The following EI24 variants were observed in gnomAD, a reference collection of about 807,000 sequenced individuals.
EI24 encodes etoposide-induced protein 2.4 homolog.
EI24 carries 21 observed loss-of-function variants against 48.6 expected under a neutral mutation model. That is an observed-to-expected ratio of 0.43 (90% CI 0.31 to 0.62). EI24 has a LOEUF of 0.62. Ranked by LOEUF, EI24 falls within the 20% of genes least tolerant of loss-of-function variation. The pLI is 0.10. For synonymous variants in EI24, 114 were observed against 145.5 expected (o/e 0.78, Z 1.56); for missense variants, 280 against 410.5 (o/e 0.68, Z 2.75).
chr11:125,575,799 T>G (rs1565328415), intron 3 of EI24: 6 of 314,306 alleles, frequency 1.9e-5, no homozygotes, highest in South Asian at 1.5e-4. Context: ...TTTTTTTTTT[T>G]GAGACGGATT....
At position 125,579,064 on chromosome 11, in the gene EI24, T is replaced by C. The variant is rs1234698331; in HGVS notation, c.557T>C (p.Ile186Thr). Residue 186 changes from isoleucine to threonine, a missense_variant, in exon 7 of 11, where the codon ATT becomes ACT. This residue lies in a region of EI24 where 204 missense variants were observed against 294.1 expected (regional missense o/e 0.69). Coordinates refer to ENST00000278903, the MANE Select transcript of EI24 (RefSeq NM_004879.5). ...CTTTTGCTGCAGGCTCTTTTCCTCA[T>C]TCAGGTGAGACTGACCTTCTGGGCA... ...FNLLLQALFLIQGMFVSLFPI... is the reference protein window; with the variant it reads ...FNLLLQALFLTQGMFVSLFPI... 1.9e-6 allele frequency: 3 copies of C among 1,562,232 alleles called. No homozygotes were observed. The African/African-American group carries it at 4.1e-5, about 21-fold the overall frequency.
intron 8 of EI24, chr11:125,580,910 C>T (rs545090291): frequency 1.9e-5 from 3 of 155,318 alleles, no homozygotes; most frequent in African/African-American, 7.2e-5. Context: ...AACCCTGTCT[C>T]TACTAAAAAT....
At position 125,577,515 on chromosome 11, in the gene EI24, CTT is replaced by C. The variant is rs776115818; in HGVS notation, c.262_263del (p.Leu88ValfsTer19). ...CTTCTTTTCTTTAGTTCAGTCTCCT[CTT>C]GTTTTATCGAGTATTTATTCCTGTG... ...NGGVFWFSLL[L>X]FYRVFIPVLQ... On this transcript the variant is annotated frameshift_variant, in exon 5 of 11. Coordinates refer to ENST00000278903, the MANE Select transcript of EI24 (RefSeq NM_004879.5). LOFTEE classifies it high-confidence loss of function. 3.1e-6 allele frequency: 5 copies of C among 1,613,680 alleles called. No individual in the cohort carries two copies. The highest frequency in any genetic ancestry group is 2.2e-5 in the East Asian group (1 of 44,856).
chr11:125,578,387 A>G, intron 6 of EI24, 130 bp downstream of exon 6: 1 of 1,119,864 alleles, frequency 8.9e-7, no homozygotes, highest in African/African-American at 1.6e-5. Context: ...TTGGCCAGGT[A>G]GCCAGTAGCT....
At chr11:125,573,214 T>A (rs543951849) in intron 2 of EI24, among the ~76,000 whole-genome samples, 4 of 152,258 alleles carry the variant, frequency 2.6e-5, no homozygotes, top group Non-Finnish European at 5.9e-5. Context: ...CAGAACCTTT[T>A]TTCTCCCCAT....
chr11:125,581,863 C>T lies in EI24; in HGVS notation c.786-483C>T, dbSNP rs1036514014. Among the ~76,000 whole-genome samples the T allele has an allele frequency of 5.9e-5, 9 of 151,994 alleles. No individual in the cohort carries two copies. In the East Asian group the frequency reaches 1.2e-3, roughly 20 times the overall value. On this transcript the variant is annotated intron_variant, in intron 9 of 10. Transcript: ENST00000278903. Reference sequence around the variant, plus strand: ...TGCCCAGCCCTGCAGCAATGTTAAACATGCCCAGTGCTTAGAAAAATCTTC... The same window carrying T: ...TGCCCAGCCCTGCAGCAATGTTAAATATGCCCAGTGCTTAGAAAAATCTTC...
At chr11:125,583,245 C>T (rs1221549685) in intron 10 of EI24, among the ~76,000 whole-genome samples, 4 of 152,082 alleles carry the variant, frequency 2.6e-5, no homozygotes, top group South Asian at 2.1e-4. Context: ...GGATTGCAGG[C>T]GCATGCTACC....
intron 6 of EI24, among the ~76,000 whole-genome samples, chr11:125,578,458 T>C (rs989939325): frequency 6.7e-6 from 1 of 149,788 alleles, no homozygotes; most frequent in Non-Finnish European, 1.5e-5. Flanking sequence ...AGGTGTCTGG[T>C]GCCTTTTCTT....
intron 2 of EI24, among the ~76,000 whole-genome samples, chr11:125,574,487 T>A (rs1413498080): frequency 6.6e-6 from 1 of 152,192 alleles, no homozygotes; most frequent in Non-Finnish European, 1.5e-5. Flanking sequence ...CTGTGCCAAT[T>A]TATGTTCCTG....
In EI24 at chr11:125,579,059, CCTCATTCAGGTGAGA is replaced by C. The variant is rs1300774361; in HGVS notation, c.555_561+8del. 1 of 1,564,462 alleles carries C rather than the reference CCTCATTCAGGTGAGA, an allele frequency of 6.4e-7. No homozygotes were observed. The highest frequency in any genetic ancestry group is 2.3e-5 in the East Asian group (1 of 42,660). ...TCAACCTTTTGCTGCAGGCTCTTTT[CCTCATTCAGGTGAGA>C]CTGACCTTCTGGGCATATGGGCAGC... is the stretch of plus-strand genomic sequence containing the variant. On this transcript the variant is annotated splice_donor_variant and splice_donor_5th_base_variant and coding_sequence_variant and intron_variant, in exon 7 of 11. Coordinates refer to ENST00000278903, the MANE Select transcript of EI24 (RefSeq NM_004879.5). LOFTEE classifies it high-confidence loss of function.
Position 125,582,380 on chromosome 11 carries a change from A to G in EI24, c.820A>G (p.Ile274Val). 1.9e-6 allele frequency: 3 copies of G among 1,589,776 alleles called. No individual in the cohort carries two copies. In the South Asian group the frequency reaches 3.4e-5, roughly 18 times the overall value. The change falls in exon 10 of 11, where the codon ATT becomes GTT. Residue 274 changes from isoleucine (I) to valine (V), a missense_variant. Ile to Val is a conservative substitution (Grantham distance 29, BLOSUM62 3). This residue lies in a region of EI24 where 14 missense variants were observed against 51.3 expected (regional missense o/e 0.27). Transcript: ENST00000278903. ...TTTCTCTATCCTCTTTCCTTTATTC[A>G]TTATCAGCGCCAATGAAGCAAAGAC... is the stretch of plus-strand genomic sequence containing the variant. ...CLFSILFPLF[I>V]ISANEAKTPG... is the part of the protein sequence containing the mutation.
chr11:125,582,304 T>C, intron 9 of EI24, 42 bp from the exon 10 acceptor site: 1 of 1,487,744 alleles, frequency 6.7e-7, no homozygotes, highest in Non-Finnish European at 9.0e-7. Flanking sequence ...TCATGTCTGT[T>C]ATGAAGGTGA....
chr11:125,583,422 C>T lies in EI24; in HGVS notation c.861-99C>T, dbSNP rs576080782. On this transcript the variant is annotated intron_variant, in intron 10 of 10. Transcript: ENST00000278903. The stretch of plus-strand genomic sequence containing the variant: ...CTTGATCAAGTTTCATTTGTCTTGT[C>T]TTTCCCTGTGTAGTTTTAAATTTAA... 8.8e-4 allele frequency: 866 copies of T among 982,402 alleles called. 2 individuals carry two copies. The highest frequency in any genetic ancestry group is 1.2e-3 in the Non-Finnish European group (804 of 678,246). The allele number at this position is 982,402 out of a possible 1,614,324, so 60.9% of individuals were successfully genotyped here.
chr11:125,572,321 A>T, intron 1 of EI24, 137 bp from the exon 2 acceptor site: 3 of 545,488 alleles, frequency 5.5e-6, no homozygotes. Context: ...GCTTCACTTG[A>T]TTCACTCTAT....
chr11:125,571,469 C>G (rs941933053), intron 1 of EI24, among the ~76,000 whole-genome samples: 7 of 152,182 alleles, frequency 4.6e-5, no homozygotes, highest in African/African-American at 1.7e-4. Flanking sequence ...AATGGGAAAG[C>G]CTTACTGTTT....
At chr11:125,581,704 G>A (rs966139858) in intron 9 of EI24, among the ~76,000 whole-genome samples, 44 of 151,076 alleles carry the variant, frequency 2.9e-4, no homozygotes, top group Middle Eastern at 3.4e-3. Flanking sequence ...CCACCATCAC[G>A]CCTAGCTAAT....
In EI24 at chr11:125,573,131, C is replaced by G. The variant is rs980421726; in HGVS notation, c.42+562C>G. On this transcript the variant is annotated intron_variant, in intron 2 of 10. Transcript: ENST00000278903. Reference sequence around the variant, plus strand: ...ATGTTGCCCAGGCTGGTCTCAAACTCCTGGGCTCAAGTGATCCACCCGCCT... The same window carrying G: ...ATGTTGCCCAGGCTGGTCTCAAACTGCTGGGCTCAAGTGATCCACCCGCCT... Among the ~76,000 whole-genome samples, 15 of 151,858 alleles carry G rather than the reference C, an allele frequency of 9.9e-5. 1 individual carries two copies. In the South Asian group the frequency reaches 3.1e-3, roughly 32 times the overall value.
intron 2 of EI24, 49 bp downstream of exon 2, chr11:125,572,618 T>C (rs775652854): frequency 8.4e-6 from 13 of 1,541,170 alleles, no homozygotes; most frequent in Non-Finnish European, 1.2e-5. Flanking sequence ...TTTTTTTTTT[T>C]TGCTGAAGGA....
At chr11:125,573,593 G>T in intron 2 of EI24, 1 of 229,158 alleles carries the variant, frequency 4.4e-6, no homozygotes, top group South Asian at 4.6e-5. Context: ...GGGCAAGAAA[G>T]TAAAAAGGTT....
Sources: gnomAD v4.1 joint callset for allele counts (sites outside exome capture counted in the v4.1 genomes callset) on GRCh38, gnomAD v4.1.1 for gene constraint, gnomAD v4.1.1 regional missense constraint, MANE v1.5 for transcripts, NCBI Gene and HGNC (gene_info 2026-07-23, HGNC 2026-07-21) for gene names.